FBXL17: variants seen among roughly 807,000 people sequenced by gnomAD.
FBXL17 encodes F-box/LRR-repeat protein 17.
FBXL17 carries 22 observed loss-of-function variants against 66.2 expected under a neutral mutation model. The ratio of observed to expected loss-of-function variants is 0.33; its 90% confidence interval spans 0.24 to 0.47. The LOEUF (loss-of-function observed/expected upper bound fraction) is 0.47, where lower values mean the gene tolerates loss of function less well. FBXL17 is among the 20% of genes least tolerant of loss of function. The pLI, the probability that FBXL17 is intolerant of heterozygous loss-of-function variation, is 1.00. For synonymous variants in FBXL17, 474 were observed against 400.5 expected, an observed-to-expected ratio of 1.18 and a Z score of -2.19; for missense variants, 878 against 948.2, an observed-to-expected ratio of 0.93 and a Z score of 0.97.
intron 6 of FBXL17, among the ~76,000 whole-genome samples, chr5:108,036,081 C>T (rs901498316): frequency 2.0e-5 from 3 of 152,170 alleles, no homozygotes; most frequent in Admixed American, 6.5e-5. Context: ...TAGAAAGTGA[C>T]TGCTGACCGT....
intron 3 of FBXL17, among the ~76,000 whole-genome samples, chr5:108,360,465 A>T (rs1748272746): frequency 6.6e-6 from 1 of 151,990 alleles, no homozygotes; most frequent in Non-Finnish European, 1.5e-5. Context: ...TGTAAATCTT[A>T]TTGAGGAGTG....
At chr5:107,978,789 A>C (rs1027827408) in intron 7 of FBXL17, among the ~76,000 whole-genome samples, 1 of 152,202 alleles carries the variant, frequency 6.6e-6, no homozygotes, top group Non-Finnish European at 1.5e-5. Context: ...TTTGAGATTT[A>C]AGTAATAACT....
chr5:107,918,205 G>C (rs577533934), intron 7 of FBXL17, among the ~76,000 whole-genome samples: 1 of 152,196 alleles, frequency 6.6e-6, no homozygotes, highest in Admixed American at 6.5e-5. Flanking sequence ...GCTGTGAAGA[G>C]AGGCTGAGCT....
At chr5:107,880,734 T>G in intron 8 of FBXL17, 1 of 1,286,342 alleles carries the variant, frequency 7.8e-7, no homozygotes, top group Non-Finnish European at 9.8e-7. Context: ...CATGTAATCT[T>G]TTACATTTTG....
chr5:107,910,480 T>G (rs566669136), intron 7 of FBXL17, among the ~76,000 whole-genome samples: 3 of 151,956 alleles, frequency 2.0e-5, no homozygotes, highest in Non-Finnish European at 4.4e-5. Context: ...TCCAGTAGTG[T>G]AAGTATCCAT....
At chr5:108,076,355 T>C (rs774013711) in intron 6 of FBXL17, among the ~76,000 whole-genome samples, 1 of 152,198 alleles carries the variant, frequency 6.6e-6, no homozygotes, top group Non-Finnish European at 1.5e-5. Context: ...CTGTCCTTTA[T>C]CCTACAGTTT....
At chr5:108,362,951 A>C (rs1315224017) in intron 3 of FBXL17, among the ~76,000 whole-genome samples, 1 of 152,082 alleles carries the variant, frequency 6.6e-6, no homozygotes, top group African/African-American at 2.4e-5. Flanking sequence ...TAATCTGTAG[A>C]ATCAACAATT....
At chr5:108,231,179 T>C (rs980653250) in intron 4 of FBXL17, among the ~76,000 whole-genome samples, 3 of 152,208 alleles carry the variant, frequency 2.0e-5, no homozygotes, top group African/African-American at 2.4e-5. Context: ...GTACAACTTA[T>C]ATGCCATAAA....
intron 7 of FBXL17, among the ~76,000 whole-genome samples, chr5:107,981,227 C>T (rs745722333): frequency 3.9e-5 from 6 of 152,136 alleles, no homozygotes; most frequent in Admixed American, 6.5e-5. Flanking sequence ...TTGGAGATAA[C>T]GCTAAGTACA....
At chr5:108,325,422 C>G (rs1759804048) in intron 4 of FBXL17, among the ~76,000 whole-genome samples, 1 of 151,934 alleles carries the variant, frequency 6.6e-6, no homozygotes, top group African/African-American at 2.4e-5. Flanking sequence ...GTGAAATATT[C>G]AGCTAGGTAA....
chr5:107,911,153 G>C (rs752327285), intron 7 of FBXL17, among the ~76,000 whole-genome samples: 4 of 152,134 alleles, frequency 2.6e-5, no homozygotes, highest in African/African-American at 4.8e-5. Context: ...CAGTCATTAT[G>C]TAAGTTGCAG....
chr5:108,258,669 T>C lies in FBXL17; in HGVS notation c.1507-34441A>G, dbSNP rs150567539. ...AGTCTCTTATTAGGTAGATGCCCAC[T>C]GGCCAAGTCATTTAACCTTTCCATT... On this transcript the variant is annotated intron_variant, in intron 4 of 8. Transcript: ENST00000542267. Among the ~76,000 whole-genome samples, 3 of 152,010 alleles carry C rather than the reference T, an allele frequency of 2.0e-5. No individual in the cohort carries two copies. The East Asian group carries it at 5.8e-4, about 29-fold the overall frequency.
intron 6 of FBXL17, among the ~76,000 whole-genome samples, chr5:108,111,367 C>G (rs1750026361): frequency 6.6e-6 from 1 of 152,102 alleles, no homozygotes; most frequent in African/African-American, 2.4e-5. Context: ...ATCAATGTTA[C>G]ATTTAAAGTT....
intron 6 of FBXL17, among the ~76,000 whole-genome samples, chr5:108,052,580 T>C (rs946098780): frequency 2.0e-5 from 3 of 152,190 alleles, no homozygotes; most frequent in African/African-American, 7.2e-5. Context: ...CATTCCATCA[T>C]CATGAATAGG....
At chr5:107,975,447 A>G (rs1232678134) in intron 7 of FBXL17, among the ~76,000 whole-genome samples, 1 of 152,232 alleles carries the variant, frequency 6.6e-6, no homozygotes, top group Non-Finnish European at 1.5e-5. Flanking sequence ...CACATCTCAC[A>G]TACCATCAGC....
At chr5:108,185,900 C>G (rs187616497) in intron 6 of FBXL17, among the ~76,000 whole-genome samples, 1 of 152,008 alleles carries the variant, frequency 6.6e-6, no homozygotes, top group African/African-American at 2.4e-5. Flanking sequence ...ATTGTTGAGG[C>G]AAATATTTGT....
Position 108,143,347 on chromosome 5 carries a change from T to TCACACACACA in FBXL17, c.1745+42760_1745+42769dup, listed in dbSNP as rs67696841. 3.6e-4 allele frequency among the ~76,000 whole-genome samples: 53 copies of TCACACACACA among 147,786 alleles called. 1 individual carries two copies. Among genetic ancestry groups the TCACACACACA allele is most frequent in the African/African-American group, 1.3e-3 (50 of 39,736 alleles). ...AAGTTTTACCAGAAGAACAGCATTC[T>TCACACACACA]CACACACACACACACACACACACAC... On this transcript the variant is annotated intron_variant, in intron 6 of 8. Transcript: ENST00000542267.
chr5:108,265,225 A>G (rs937698880), intron 4 of FBXL17, among the ~76,000 whole-genome samples: 3 of 152,116 alleles, frequency 2.0e-5, no homozygotes, highest in African/African-American at 4.8e-5. Context: ...GAAATACTTT[A>G]TCAGTCATTC....
At chr5:108,169,212 C>A (rs1752519239) in intron 6 of FBXL17, among the ~76,000 whole-genome samples, 1 of 152,132 alleles carries the variant, frequency 6.6e-6, no homozygotes, top group African/African-American at 2.4e-5. Context: ...TGTCTCTGTA[C>A]TGGGAATAAA....
Sources: gnomAD v4.1 joint callset for allele counts (sites outside exome capture counted in the v4.1 genomes callset) on GRCh38, gnomAD v4.1.1 for gene constraint, MANE v1.5 for transcripts, NCBI Gene and HGNC (gene_info 2026-07-23, HGNC 2026-07-21) for gene names.